The following FRS2 variants were observed in gnomAD, a reference collection of about 807,000 sequenced individuals.
FRS2 encodes the protein FGFR signalling adaptor.
FRS2 carries 8 observed loss-of-function variants against 43.9 expected under a neutral mutation model. The ratio of observed to expected loss-of-function variants is 0.18; its 90% confidence interval spans 0.11 to 0.33. The LOEUF (loss-of-function observed/expected upper bound fraction) is 0.33, where lower values mean the gene tolerates loss of function less well. Ranked by LOEUF, FRS2 falls within the 10% of genes least tolerant of loss-of-function variation. The pLI is 1.00. For synonymous variants in FRS2, 219 were observed against 220.3 expected (o/e 0.99, Z 0.05); for missense variants, 534 against 627.6 (o/e 0.85, Z 1.59).
intron 1 of FRS2, among the ~76,000 whole-genome samples, chr12:69,490,060 G>C (rs1397997240): frequency 6.6e-6 from 1 of 151,784 alleles, no homozygotes; most frequent in Non-Finnish European, 1.5e-5. Context: ...AAGTCATAAT[G>C]TTAACAAAAG....
rs373939114 is a variant in FRS2, at chr12:69,570,293, G to A, written c.67-38G>A. Reference sequence around the variant, plus strand: ...CAACAATGCATTTTCCTGACGAATTGGTGACATATTTGCATGACTGTCACC... The same window carrying A: ...CAACAATGCATTTTCCTGACGAATTAGTGACATATTTGCATGACTGTCACC... On this transcript the variant is annotated intron_variant, in intron 5 of 8. Transcript: ENST00000549921. The A allele has an allele frequency of 6.2e-6, 9 of 1,445,794 alleles. No individual in the cohort carries two copies. The African/African-American group carries it at 1.3e-4, about 20-fold the overall frequency. 89.6% of individuals were successfully genotyped at this position (1,445,794 alleles called of 1,614,324 possible).
In FRS2 at chr12:69,579,045, TTAAAA is replaced by T. The variant is rs1241398598; in HGVS notation, c.*4096_*4100del. 1 of 152,670 alleles carries T rather than the reference TTAAAA, an allele frequency of 6.6e-6. No homozygotes were observed. The highest frequency in any genetic ancestry group is 1.9e-4 in the East Asian group (1 of 5,202). 9.5% of individuals were successfully genotyped at this position (152,670 alleles called of 1,614,324 possible). On this transcript the variant is annotated 3_prime_UTR_variant, in exon 9 of 9. Coordinates refer to ENST00000549921, the MANE Select transcript of FRS2 (RefSeq NM_001278356.2). ...ATTGGCAAAACGTAACCACTGTTAA[TTAAAA>T]TAAAACCTTGTTGTATATGTAACAA...
chr12:69,535,777 TTCTC>T (rs1423547743), intron 3 of FRS2, among the ~76,000 whole-genome samples: 2 of 152,200 alleles, frequency 1.3e-5, no homozygotes, highest in Non-Finnish European at 2.9e-5. Context: ...ATTTATGAGT[TTCTC>T]TAGTAAGAAA....
chr12:69,535,719 C>G (rs1877209362), intron 3 of FRS2, among the ~76,000 whole-genome samples: 1 of 152,014 alleles, frequency 6.6e-6, no homozygotes, highest in African/African-American at 2.4e-5. Context: ...CATATCTTCT[C>G]TGTCTTGGTT....
chr12:69,502,802 T>C (rs558780470), intron 1 of FRS2, among the ~76,000 whole-genome samples: 1 of 152,298 alleles, frequency 6.6e-6, no homozygotes, highest in South Asian at 2.1e-4. Context: ...CAGGCAAATT[T>C]ATAGTCTGCC....
chr12:69,527,329 T>C (rs953196053), intron 1 of FRS2, among the ~76,000 whole-genome samples: 10 of 142,182 alleles, frequency 7.0e-5, no homozygotes, highest in Non-Finnish European at 1.1e-4. Context: ...AGCAAAGTTT[T>C]TTTTTTTTTA....
intron 1 of FRS2, among the ~76,000 whole-genome samples, chr12:69,495,169 A>G (rs1486485664): frequency 6.6e-6 from 1 of 152,240 alleles, no homozygotes; most frequent in Non-Finnish European, 1.5e-5. Context: ...AGTGATGAAC[A>G]GGAGCTTTTA....
chr12:69,474,315 G>A (rs2062401009), intron 1 of FRS2, among the ~76,000 whole-genome samples: 2 of 152,066 alleles, frequency 1.3e-5, no homozygotes, highest in Admixed American at 6.5e-5. Context: ...TAAGGGGAGA[G>A]GTCAGGACTA....
rs148917411 is a variant in FRS2 at position 69,478,441 on chromosome 12, A to G, written c.-261+7911A>G. Among the ~76,000 whole-genome samples the G allele has an allele frequency of 3.7e-3, 563 of 152,262 alleles. 1 individual carries two copies. Among genetic ancestry groups the G allele is most frequent in the African/African-American group, 0.013 (539 of 41,558 alleles). On this transcript the variant is annotated intron_variant, in intron 1 of 8. Coordinates refer to ENST00000549921, the MANE Select transcript of FRS2 (RefSeq NM_001278356.2). ...AATTAATTTAAATATGAATACCCAC[A>G]TGGGGCTGGTGGCTACTGTATTAGT...
At chr12:69,506,146 A>T (rs911256813) in intron 1 of FRS2, among the ~76,000 whole-genome samples, 1 of 152,180 alleles carries the variant, frequency 6.6e-6, no homozygotes, top group Non-Finnish European at 1.5e-5. Flanking sequence ...TATATTGCAT[A>T]AATTTCTGTT....
chr12:69,569,196 TTTC>T (rs1880546477), intron 5 of FRS2, 100 bp downstream of exon 5: 1 of 640,546 alleles, frequency 1.6e-6, no homozygotes, highest in African/African-American at 1.9e-5. Flanking sequence ...TCACCAAACC[TTTC>T]TATTTCCCTT....
At chr12:69,572,396 T>C (rs767650260) in intron 8 of FRS2, 115 bp downstream of exon 8, 41 of 835,538 alleles carry the variant, frequency 4.9e-5, no homozygotes, top group Non-Finnish European at 7.0e-5. Flanking sequence ...GTTTGTAAAT[T>C]ACTTTTGTAG....
intron 1 of FRS2, among the ~76,000 whole-genome samples, chr12:69,503,026 G>A (rs1473519075): frequency 6.6e-6 from 1 of 152,188 alleles, no homozygotes; most frequent in Non-Finnish European, 1.5e-5. Flanking sequence ...TAGATTCTCT[G>A]CTCAGGATAT....
intron 1 of FRS2, among the ~76,000 whole-genome samples, chr12:69,480,548 C>T (rs1871264037): frequency 6.6e-6 from 1 of 152,170 alleles, no homozygotes; most frequent in African/African-American, 2.4e-5. Context: ...ACACTACAAC[C>T]TCAAATTTCT....
intron 1 of FRS2, among the ~76,000 whole-genome samples, chr12:69,480,522 T>C (rs1030309221): frequency 3.9e-5 from 6 of 152,178 alleles, no homozygotes; most frequent in African/African-American, 1.4e-4. Flanking sequence ...TGACTCTTCA[T>C]AGCGGCGATC....
chr12:69,559,768 A>G (rs1286751667), intron 3 of FRS2, among the ~76,000 whole-genome samples: 1 of 151,842 alleles, frequency 6.6e-6, no homozygotes, highest in Non-Finnish European at 1.5e-5. Flanking sequence ...GTGTATATTA[A>G]AAGACCTACC....
At chr12:69,472,382 C>G (rs1180429264) in intron 1 of FRS2, among the ~76,000 whole-genome samples, 1 of 151,956 alleles carries the variant, frequency 6.6e-6, no homozygotes, top group Non-Finnish European at 1.5e-5. Flanking sequence ...TGTGAGCCAC[C>G]ATCCCCAGCA....
rs574803200 is a variant in FRS2, at chr12:69,570,048, C to A, written c.67-283C>A. Among the ~76,000 whole-genome samples, 10 of 152,308 alleles carry A rather than the reference C, an allele frequency of 6.6e-5. No homozygotes were observed. In the South Asian group the frequency reaches 1.2e-3, roughly 19 times the overall value. On this transcript the variant is annotated intron_variant, in intron 5 of 8. Coordinates refer to ENST00000549921, the MANE Select transcript of FRS2 (RefSeq NM_001278356.2). ...CTCTTAAATGAAGGTGTCTCAACAACCTTAGACCACACTTCCTGCCTTCTG... is the reference window on the plus strand; with the variant it reads ...CTCTTAAATGAAGGTGTCTCAACAAACTTAGACCACACTTCCTGCCTTCTG...
intron 1 of FRS2, among the ~76,000 whole-genome samples, chr12:69,519,762 G>A (rs1001472410): frequency 4.6e-5 from 7 of 152,250 alleles, no homozygotes; most frequent in Middle Eastern, 3.4e-3. Context: ...TGACAGTTTA[G>A]TATTCCATGT....
Sources: allele counts gnomAD v4.1 joint callset (sites outside exome capture counted in the v4.1 genomes callset), GRCh38; gene constraint gnomAD v4.1.1; transcripts MANE v1.5; gene names NCBI Gene and HGNC (gene_info 2026-07-23, HGNC 2026-07-21).